Variants in OGG1 observed in about 807,000 individuals in gnomAD.
OGG1 encodes N-glycosylase/DNA lyase.
Under a neutral mutation model 42.3 loss-of-function variants are expected in OGG1, and 35 were observed. The observed-to-expected ratio is 0.83, with a 90% CI of 0.63 to 1.10. The LOEUF (loss-of-function observed/expected upper bound fraction) is 1.10. Among genes scored for constraint, OGG1 ranks in the 50% least tolerant of loss-of-function variants. OGG1 has a pLI of 0.00. For missense variants in OGG1, 484 were observed against 446.7 expected (o/e 1.08, Z -0.75); for synonymous variants, 189 against 179.0 (o/e 1.06, Z -0.44).
At chr3:9,755,843 C>CT (rs1356845845) in intron 4 of OGG1, among the ~76,000 whole-genome samples, 1 of 152,042 alleles carries the variant, frequency 6.6e-6, no homozygotes, top group African/African-American at 2.4e-5. Context: ...GGACTACAGC[C>CT]TAACATTAAA....
intron 7 of OGG1, chr3:9,763,403 CAAAA>C (rs571944870): frequency 2.8e-4 from 21 of 76,110 alleles, no homozygotes; most frequent in Non-Finnish European, 5.0e-4. Flanking sequence ...GACCCTGTCT[CAAAA>C]AAAAAAAAAA....
At chr3:9,762,877 T>G in intron 7 of OGG1, 1 of 1,609,742 alleles carries the variant, frequency 6.2e-7, no homozygotes, top group Non-Finnish European at 8.5e-7. Context: ...GCCCCACCCC[T>G]GGGTACCCTA....
intron 2 of OGG1, chr3:9,781,452 T>C (rs2078461917): frequency 4.5e-6 from 2 of 446,374 alleles, no homozygotes; most frequent in South Asian, 1.6e-5. Context: ...CCACAGTTAG[T>C]GAGGGGGAGA....
intron 7 of OGG1, among the ~76,000 whole-genome samples, chr3:9,763,776 A>G (rs2078006484): frequency 6.6e-6 from 1 of 152,196 alleles, no homozygotes. Context: ...ACTTGAGGTC[A>G]GGAGTTCGAG....
downstream of OGG1, chr3:9,767,608 C>T (rs2078189340): frequency 6.2e-7 from 1 of 1,604,084 alleles, no homozygotes; most frequent in Non-Finnish European, 8.5e-7. Context: ...CCAGAGGAAG[C>T]CCCACCCTGG....
At chr3:9,786,959 T>G (rs1379532447) in intron 3 of OGG1, 1 of 1,535,040 alleles carries the variant, frequency 6.5e-7, no homozygotes, top group Middle Eastern at 1.8e-4. Context: ...CATAACACAT[T>G]AAAACACAAA....
At chr3:9,768,302 TTC>T (rs1404218102), downstream of OGG1, among the ~76,000 whole-genome samples, 1 of 152,208 alleles carries the variant, frequency 6.6e-6, no homozygotes, top group Non-Finnish European at 1.5e-5. Context: ...AAATAGCTCT[TTC>T]TGCACTGTTA....
intron 3 of OGG1, 85 bp downstream of exon 3, chr3:9,752,034 T>C: frequency 7.5e-7 from 1 of 1,330,758 alleles, no homozygotes. Flanking sequence ...TCTCAAGGCT[T>C]CCTGCCTTCC....
intron 2 of OGG1, among the ~76,000 whole-genome samples, chr3:9,772,208 A>G (rs919286974): frequency 2.6e-4 from 40 of 152,200 alleles, no homozygotes; most frequent in African/African-American, 9.7e-4. Flanking sequence ...TAACAAACAC[A>G]TTATCTTTAC....
intron 3 of OGG1, chr3:9,783,792 CA>C: frequency 5.6e-6 from 4 of 713,158 alleles, no homozygotes; most frequent in Non-Finnish European, 8.2e-6. Context: ...AAAAACAAAA[CA>C]AAAACAAATC....
intron 4 of OGG1, among the ~76,000 whole-genome samples, chr3:9,755,915 TCA>T (rs1211068325): frequency 1.3e-5 from 2 of 152,226 alleles, no homozygotes; most frequent in Admixed American, 6.5e-5. Context: ...TTTCAAAGCC[TCA>T]GTTTTCTTGT....
intron 2 of OGG1, among the ~76,000 whole-genome samples, chr3:9,777,800 A>G (rs528298571): frequency 1.3e-5 from 2 of 152,032 alleles, no homozygotes; most frequent in South Asian, 2.1e-4. Flanking sequence ...GGAACTCTCT[A>G]CCAACAACGC....
At chr3:9,770,478 G>A (rs578196664), downstream of OGG1, among the ~76,000 whole-genome samples, 2 of 152,276 alleles carry the variant, frequency 1.3e-5, no homozygotes, top group South Asian at 2.1e-4. Flanking sequence ...CACTTGACAG[G>A]TGGGAAGACT....
At chr3:9,789,974 C>A (rs375594706), downstream of OGG1, 29 of 1,576,798 alleles carry the variant, frequency 1.8e-5, no homozygotes, top group African/African-American at 1.9e-4. Flanking sequence ...CTGAAATTTA[C>A]AGAAAGTGTC....
At chr3:9,760,873 T>A, downstream of OGG1, 1 of 1,522,474 alleles carries the variant, frequency 6.6e-7, no homozygotes, top group Non-Finnish European at 8.9e-7. Context: ...ATGGAAGGAG[T>A]TCCCCCTTTA....
chr3:9,750,701 G>A lies in OGG1; in HGVS notation c.138-244G>A, dbSNP rs868392634. The A allele has an allele frequency of 7.3e-6, 5 of 682,210 alleles. No individual in the cohort carries two copies. The Middle Eastern group carries it at 1.3e-3, about 175-fold the overall frequency. 42.3% of individuals were successfully genotyped at this position (682,210 alleles called of 1,614,324 possible). A position where few individuals can be genotyped will look rare whatever the true frequency, so the allele number is the denominator to read the frequency against. On this transcript the variant is annotated intron_variant, in intron 1 of 6. Transcript: ENST00000344629. ...GTTGCCCAGGTAGGAATGCAGAGAGGCCCATTCCAGCCTCGACCCCCCGGG... is the reference window on the plus strand; with the variant it reads ...GTTGCCCAGGTAGGAATGCAGAGAGACCCATTCCAGCCTCGACCCCCCGGG...
At chr3:9,787,769 G>A in exon 4 of OGG1, 1 of 1,217,286 alleles carries the variant, frequency 8.2e-7, no homozygotes, top group South Asian at 1.3e-5. Context: ...GAAAGAGAGA[G>A]ATCAAAGTGT....
chr3:9,759,913 C>T (rs1279019479), downstream of OGG1: 12 of 1,092,896 alleles, frequency 1.1e-5, no homozygotes, highest in East Asian at 2.6e-4. Context: ...CAGGCCCTCC[C>T]ACCCCGTGCC....
At chr3:9,784,170 GCTC>G (rs1415732032) in intron 3 of OGG1, 1 of 1,613,886 alleles carries the variant, frequency 6.2e-7, no homozygotes, top group Non-Finnish European at 8.5e-7. Flanking sequence ...TGGGCAATTA[GCTC>G]CTCCTTGATG....
Sources: gnomAD v4.1 joint callset for allele counts (sites outside exome capture counted in the v4.1 genomes callset) on GRCh38, gnomAD v4.1.1 for gene constraint, MANE v1.5 for transcripts, NCBI Gene and HGNC (gene_info 2026-07-23, HGNC 2026-07-21) for gene names.